The following DENND5A variants were observed in gnomAD, a reference collection of about 807,000 sequenced individuals.
The protein encoded by DENND5A is DENN domain containing 5A, also known as DENN domain-containing protein 5A.
Under a neutral mutation model 140.3 loss-of-function variants are expected in DENND5A, and 64 were observed. The observed-to-expected ratio is 0.46, with a 90% CI of 0.37 to 0.56. The LOEUF (loss-of-function observed/expected upper bound fraction) is 0.56. Among genes scored for constraint, DENND5A ranks in the 20% least tolerant of loss-of-function variants. The pLI is 0.00. For missense variants in DENND5A, 1,292 were observed against 1,593.8 expected (o/e 0.81, Z 3.22); for synonymous variants, 605 against 607.7 (o/e 1.00, Z 0.07).
chr11:9,254,925 G>T (rs1851880248), intron 1 of DENND5A, among the ~76,000 whole-genome samples: 1 of 151,688 alleles, frequency 6.6e-6, no homozygotes, highest in Non-Finnish European at 1.5e-5. Context: ...ACAAAAATTA[G>T]CTGGGCGTGA....
intron 3 of DENND5A, 69 bp from the exon 4 acceptor site, chr11:9,204,386 C>CTATT (rs1849627062): frequency 4.8e-6 from 7 of 1,459,542 alleles, no homozygotes; most frequent in Admixed American, 3.9e-5. Flanking sequence ...AACACCATCA[C>CTATT]TATTTATTTA....
chr11:9,261,939 A>G (rs1852220013), intron 1 of DENND5A, among the ~76,000 whole-genome samples: 1 of 152,148 alleles, frequency 6.6e-6, no homozygotes, highest in South Asian at 2.1e-4. Flanking sequence ...CTGCAACCAC[A>G]TTTTTAAAAA....
intron 8 of DENND5A, among the ~76,000 whole-genome samples, chr11:9,174,140 T>G (rs1326496888): frequency 1.0e-5 from 1 of 96,210 alleles, no homozygotes; most frequent in African/African-American, 4.0e-5. Flanking sequence ...GAAAAAAAAA[T>G]TGAAAATATT....
At chr11:9,242,068 T>C (rs1245395916) in intron 1 of DENND5A, among the ~76,000 whole-genome samples, 3 of 151,074 alleles carry the variant, frequency 2.0e-5, no homozygotes, top group African/African-American at 7.3e-5. Context: ...TGCCCTAACA[T>C]TCCTGATCCC....
intron 6 of DENND5A, among the ~76,000 whole-genome samples, chr11:9,179,372 A>C (rs543373212): frequency 6.6e-6 from 1 of 152,306 alleles, no homozygotes; most frequent in East Asian, 1.9e-4. Flanking sequence ...GGTGCTAATT[A>C]TCTCAAAGGT....
intron 1 of DENND5A, among the ~76,000 whole-genome samples, chr11:9,235,349 A>G (rs1564931536): frequency 6.6e-6 from 1 of 152,166 alleles, no homozygotes; most frequent in Non-Finnish European, 1.5e-5. Context: ...ATGCTACAAC[A>G]TGGATGAACC....
chr11:9,230,205 G>A (rs1387300549), intron 1 of DENND5A, among the ~76,000 whole-genome samples: 4 of 144,226 alleles, frequency 2.8e-5, no homozygotes, highest in African/African-American at 5.2e-5. Context: ...CACCGCGCCC[G>A]GCCCCATTTC....
Position 9,190,860 on chromosome 11 carries a change from G to A in DENND5A, c.1137+2634C>T, listed in dbSNP as rs145972634. ...GTCATTTCTGAGACACCCCAAAGTC[G>A]TCTTTCAAAGCCAGCTCTCTTCCCC... On this transcript the variant is annotated intron_variant, in intron 5 of 22. Coordinates refer to ENST00000328194, the MANE Select transcript of DENND5A (RefSeq NM_015213.4). Among the ~76,000 whole-genome samples, 401 of 152,138 alleles carry A rather than the reference G, an allele frequency of 2.6e-3. 1 individual carries two copies. Among genetic ancestry groups the A allele is most frequent in the African/African-American group, 9.0e-3 (374 of 41,500 alleles).
chr11:9,169,910 T>C lies in DENND5A; in HGVS notation c.2097A>G (p.Lys699=), dbSNP rs147230753. ...KRNAPAQWRR[K]DRQKQHTEHL... is the part of the protein sequence containing the mutation. ...GTTCTGTGTGCTGCTTCTGCCGATCTTTCCGCCTCCACTGGGCAGGGGCAT... is the reference window on the plus strand; with the variant it reads ...GTTCTGTGTGCTGCTTCTGCCGATCCTTCCGCCTCCACTGGGCAGGGGCAT... The change falls in exon 10 of 23, where the codon AAA becomes AAG. Residue 699 remains lysine, a synonymous_variant. Coordinates refer to ENST00000328194, the MANE Select transcript of DENND5A (RefSeq NM_015213.4). The C allele has an allele frequency of 4.6e-5, 74 of 1,614,010 alleles. No individual in the cohort carries two copies. The African/African-American group carries it at 6.8e-4, about 15-fold the overall frequency.
rs764056674 is a variant in DENND5A at position 9,204,097 on chromosome 11, T to C, written c.512A>G (p.Asp171Gly). Residue 171 changes from aspartate (D) to glycine (G), a missense_variant, in exon 4 of 23, where the codon GAC becomes GGC. Transcript: ENST00000328194. ...YDVLHAPPAD[D>G]RDQSSMEDGE... ...ATCCTCCATGCTGCTCTGGTCTCTG[T>C]CATCAGCAGGGGGAGCATGTAGGAC... The C allele has an allele frequency of 8.7e-6, 14 of 1,614,050 alleles. No individual in the cohort carries two copies. The highest frequency in any genetic ancestry group is 1.3e-5 in the African/African-American group (1 of 74,922).
At position 9,145,065 on chromosome 11, in the gene DENND5A, A is replaced by T; in HGVS notation, c.3052T>A (p.Ser1018Thr). Reference protein sequence around the residue: ...LTTVQIGHDNSGLYAKWLVEY... With the variant: ...LTTVQIGHDNTGLYAKWLVEY... ...ACCAGCCATTTGGCATACAGCCCAG[A>T]GTTATCATGGCCAATCTGGACAGTA... Residue 1018 changes from serine (S) to threonine (T), a missense_variant, in exon 18 of 23, where the codon TCT (serine) becomes ACT (threonine). Ser to Thr is a moderately conservative substitution (Grantham distance 58). Coordinates refer to ENST00000328194, the MANE Select transcript of DENND5A (RefSeq NM_015213.4). 6.2e-7 allele frequency: 1 copy of T among 1,614,144 alleles called. No homozygotes were observed. The highest frequency in any genetic ancestry group is 8.5e-7 in the Non-Finnish European group (1 of 1,179,996).
chr11:9,144,644 C>T (rs1320903279), intron 18 of DENND5A, among the ~76,000 whole-genome samples: 1 of 152,030 alleles, frequency 6.6e-6, no homozygotes, highest in Non-Finnish European at 1.5e-5. Flanking sequence ...ACAAAATTAG[C>T]TGGGCGTGGT....
intron 1 of DENND5A, among the ~76,000 whole-genome samples, chr11:9,236,751 G>C (rs1188579555): frequency 6.7e-6 from 1 of 149,380 alleles, no homozygotes; most frequent in Non-Finnish European, 1.5e-5. Flanking sequence ...AAAAGGAAGA[G>C]AGAGTGAGAG....
chr11:9,154,577 C>G (rs1439630166), intron 12 of DENND5A, among the ~76,000 whole-genome samples: 2 of 151,968 alleles, frequency 1.3e-5, no homozygotes, highest in East Asian at 3.9e-4. Context: ...CGCTATAGAT[C>G]AGCAAGCTGT....
chr11:9,226,885 A>T (rs1850549879), intron 1 of DENND5A, among the ~76,000 whole-genome samples: 1 of 152,118 alleles, frequency 6.6e-6, no homozygotes, highest in African/African-American at 2.4e-5. Context: ...AAATAAGCAC[A>T]AGGACGAGAG....
intron 1 of DENND5A, among the ~76,000 whole-genome samples, chr11:9,247,778 G>C (rs950719048): frequency 4.6e-4 from 70 of 152,134 alleles, no homozygotes; most frequent in African/African-American, 1.5e-3. Context: ...CCAACTCTTA[G>C]ATAATCTGCT....
At chr11:9,162,710 T>C (rs1011736653) in intron 11 of DENND5A, among the ~76,000 whole-genome samples, 4 of 152,088 alleles carry the variant, frequency 2.6e-5, no homozygotes, top group Non-Finnish European at 5.9e-5. Context: ...TTTGCCTGTA[T>C]GTATCTTTAA....
At chr11:9,236,273 T>C (rs1045980472) in intron 1 of DENND5A, among the ~76,000 whole-genome samples, 16 of 148,602 alleles carry the variant, frequency 1.1e-4, no homozygotes, top group Admixed American at 4.1e-4. Flanking sequence ...GGCTCGTGCC[T>C]ATAATCCCAG....
At chr11:9,181,150 A>G in intron 5 of DENND5A, 66 bp from the exon 6 acceptor site, 1 of 1,470,804 alleles carries the variant, frequency 6.8e-7, no homozygotes, top group Non-Finnish European at 9.2e-7. Context: ...AGTTTTAGAA[A>G]GGTTAGTGAA....
Sources: allele counts gnomAD v4.1 joint callset (sites outside exome capture counted in the v4.1 genomes callset), GRCh38; gene constraint gnomAD v4.1.1; transcripts MANE v1.5; gene names NCBI Gene and HGNC (gene_info 2026-07-23, HGNC 2026-07-21).